WNK3: variants seen among roughly 807,000 people sequenced by gnomAD.
WNK3 encodes the protein WNK lysine deficient protein kinase 3.
A neutral mutation model predicts 116.7 loss-of-function variants in WNK3; 18 were observed. The ratio of observed to expected loss-of-function variants is 0.15; its 90% CI spans 0.11 to 0.23. The LOEUF is 0.23. WNK3 is among the 10% of genes least tolerant of loss of function. The probability of loss-of-function intolerance (pLI) is 1.00; values close to 1 mark genes in which losing one functional copy is unlikely to be tolerated. For synonymous variants in WNK3, 404 were observed against 469.4 expected, an observed-to-expected ratio of 0.86 and a Z score of 1.80; for missense variants, 993 against 1,323.8, an observed-to-expected ratio of 0.75 and a Z score of 3.88.
At chrX:54,193,992 A>C (rs1444882860) in exon 24 of WNK3, 3 of 111,531 alleles carry the variant, frequency 2.7e-5, no homozygotes, top group African/African-American at 9.8e-5. Flanking sequence ...CCCAAACAGA[A>C]GATAAAATAA....
At chrX:54,299,686 G>A (rs781835151) in intron 6 of WNK3, among the ~76,000 whole-genome samples, 2 of 110,091 alleles carry the variant, frequency 1.8e-5, no homozygotes, top group South Asian at 3.9e-4. Context: ...AGCCTCAGGC[G>A]TGAGCCACTG....
exon 20 of WNK3, chrX:54,237,203 G>A (rs1557150354): frequency 4.1e-6 from 5 of 1,210,427 alleles, no homozygotes; most frequent in Non-Finnish European, 5.6e-6. Context: ...TTAAGCAACA[G>A]TTCAGATCCA....
chrX:54,294,419 CTATT>C (rs2068673698), intron 8 of WNK3, 130 bp downstream of exon 8: 1 of 438,502 alleles, frequency 2.3e-6, no homozygotes, highest in African/African-American at 2.5e-5. Context: ...CACAGAAGTG[CTATT>C]TAAAGATAAG....
intron 22 of WNK3, among the ~76,000 whole-genome samples, chrX:54,217,185 G>A (rs2067705911): frequency 9.1e-6 from 1 of 109,337 alleles, no homozygotes; most frequent in Admixed American, 9.8e-5. Flanking sequence ...GGGTGTGGTC[G>A]TGGGCGCCTG....
At chrX:54,286,995 G>C (rs1310215694) in intron 10 of WNK3, among the ~76,000 whole-genome samples, 3 of 110,690 alleles carry the variant, frequency 2.7e-5, no homozygotes, top group Non-Finnish European at 5.7e-5. Flanking sequence ...AATTCTGGTG[G>C]GGAGGGTAAC....
chrX:54,282,078 T>C lies in WNK3; in HGVS notation c.2037+10810A>G, dbSNP rs1332584118. ...TTTTTGAGACAGGGTCTTGCTCTGT[T>C]GCCCAGGCTGGAGTTCAGTGGTGCA... is the stretch of plus-strand genomic sequence containing the variant. On this transcript the variant is annotated intron_variant, in intron 10 of 23. Transcript: ENST00000354646. 6.4e-5 allele frequency among the ~76,000 whole-genome samples: 7 copies of C among 109,370 alleles called. No homozygotes were observed. In the Admixed American group the frequency reaches 6.9e-4, roughly 11 times the overall value. 95.0% of individuals were successfully genotyped at this position (109,370 alleles called of 115,157 possible). A position where few individuals can be genotyped will look rare whatever the true frequency, so the allele number is the denominator to read the frequency against.
rs185484602 is a variant in WNK3, at chrX:54,325,457, T to C, written c.537+7680A>G. 2.3e-3 allele frequency among the ~76,000 whole-genome samples: 254 copies of C among 109,547 alleles called. 3 individuals carry two copies. The highest frequency in any genetic ancestry group is 4.9e-4 in the Non-Finnish European group (26 of 52,675). On this transcript the variant is annotated intron_variant, in intron 2 of 23. Coordinates refer to ENST00000354646, the Ensembl canonical transcript of WNK3. ...ACTTTGGAAGGCCGAGACGGGTGGATCACTTGAAGTCAGGAGTTCAAGACT... is the reference window on the plus strand; with the variant it reads ...ACTTTGGAAGGCCGAGACGGGTGGACCACTTGAAGTCAGGAGTTCAAGACT...
chrX:54,249,748 A>C, intron 16 of WNK3, 114 bp from the exon 17 acceptor site: 1 of 775,527 alleles, frequency 1.3e-6, no homozygotes, highest in Non-Finnish European at 1.9e-6. Flanking sequence ...CCTGTGTGAA[A>C]GTACTCTCGT....
At chrX:54,320,792 A>G (rs2069022002) in intron 2 of WNK3, among the ~76,000 whole-genome samples, 1 of 109,954 alleles carries the variant, frequency 9.1e-6, no homozygotes, top group Non-Finnish European at 1.9e-5. Flanking sequence ...CTCAGCTTGA[A>G]TATTCTTGAT....
intron 2 of WNK3, among the ~76,000 whole-genome samples, chrX:54,318,879 C>T (rs956679871): frequency 9.1e-6 from 1 of 109,708 alleles, no homozygotes; most frequent in Non-Finnish European, 1.9e-5. Flanking sequence ...CGGGATCAAG[C>T]GATTCTCGTG....
intron 10 of WNK3, among the ~76,000 whole-genome samples, chrX:54,280,803 A>T (rs2068507811): frequency 9.0e-6 from 1 of 111,234 alleles, no homozygotes; most frequent in African/African-American, 3.3e-5. Context: ...GGGATGGGGA[A>T]AAAAGCTGAA....
At chrX:54,214,199 TCTCAAACTCCTGAC>T (rs112800027) in intron 22 of WNK3, among the ~76,000 whole-genome samples, 12,953 of 110,419 alleles carry the variant, frequency 0.12, 1,418 homozygotes, top group African/African-American at 0.34. Flanking sequence ...GCCAGGCTGG[TCTCAAACTCCTGAC>T]CTCAGATGAT....
chrX:54,322,464 C>A (rs1300517512), intron 2 of WNK3, among the ~76,000 whole-genome samples: 1 of 111,419 alleles, frequency 9.0e-6, no homozygotes, highest in Non-Finnish European at 1.9e-5. Flanking sequence ...CCTTCAATGA[C>A]ACCATTAACT....
chrX:54,349,233 G>A (rs1298927562), intron 1 of WNK3, among the ~76,000 whole-genome samples: 1 of 111,804 alleles, frequency 8.9e-6, no homozygotes, highest in Non-Finnish European at 1.9e-5. Flanking sequence ...AGCTACTCAG[G>A]AGACTGAGGC....
intron 20 of WNK3, among the ~76,000 whole-genome samples, chrX:54,234,965 A>G (rs2067946522): frequency 8.9e-6 from 1 of 112,345 alleles, no homozygotes; most frequent in Non-Finnish European, 1.9e-5. Context: ...CTTAATATAT[A>G]AGTTGACGTA....
chrX:54,286,467 G>C (rs2068581885), intron 10 of WNK3, among the ~76,000 whole-genome samples: 1 of 111,341 alleles, frequency 9.0e-6, no homozygotes, highest in Admixed American at 9.7e-5. Context: ...ATTATCACTA[G>C]AAAATAACTC....
chrX:54,237,630 T>C (rs188083648), intron 19 of WNK3, 79 bp from the exon 20 acceptor site: 1 of 990,853 alleles, frequency 1.0e-6, no homozygotes, highest in Non-Finnish European at 1.3e-6. Flanking sequence ...GTATTGATAC[T>C]AGCAAAACTT....
intron 22 of WNK3, among the ~76,000 whole-genome samples, chrX:54,211,418 G>A (rs1442934376): frequency 9.5e-6 from 1 of 105,443 alleles, no homozygotes; most frequent in African/African-American, 3.5e-5. Flanking sequence ...CTCCAGCCTT[G>A]GGAACAGAGC....
At chrX:54,238,763 G>A in intron 18 of WNK3, 105 bp downstream of exon 18, 1 of 612,079 alleles carries the variant, frequency 1.6e-6, no homozygotes, top group Middle Eastern at 3.3e-4. Context: ...TCACATACAT[G>A]GGCTATGTGG....
Sources: allele counts gnomAD v4.1 joint callset (sites outside exome capture counted in the v4.1 genomes callset), GRCh38; gene constraint gnomAD v4.1.1; transcripts MANE v1.5; gene names NCBI Gene and HGNC (gene_info 2026-07-23, HGNC 2026-07-21).